Variants in PLXNA4 observed in about 807,000 individuals in gnomAD.
The protein encoded by PLXNA4 is plexin A4, also known as plexin-A4.
PLXNA4 carries 44 observed loss-of-function variants against 191.8 expected under a neutral mutation model. That is an observed-to-expected ratio of 0.23 (90% CI 0.18 to 0.29). PLXNA4 has a LOEUF of 0.29. Ranked by LOEUF, PLXNA4 falls within the 10% of genes least tolerant of loss-of-function variation. The pLI, the probability that PLXNA4 is intolerant of heterozygous loss-of-function variation, is 1.00. For synonymous variants in PLXNA4, 1,082 were observed against 1,009.5 expected, an observed-to-expected ratio of 1.07 and a Z score of -1.36; for missense variants, 1,800 against 2,488.8, an observed-to-expected ratio of 0.72 and a Z score of 5.89.
chr7:132,384,619 C>T lies in PLXNA4; in HGVS notation c.1372-86397G>A, dbSNP rs1019046693. The T allele has an allele frequency of 5.0e-6, 5 of 990,202 alleles. No individual in the cohort carries two copies. The African/African-American group carries it at 7.0e-5, about 14-fold the overall frequency. 61.3% of individuals were successfully genotyped at this position (990,202 alleles called of 1,614,324 possible). ...CAGCTCATCAGGCACTGTTGGCTTC[C>T]TTTTCTCTTTCCCGCAGAGGCTGGG... is the stretch of plus-strand genomic sequence containing the variant. On this transcript the variant is annotated intron_variant, in intron 3 of 31. Transcript: ENST00000321063.
chr7:132,460,763 G>C (rs1318690324), intron 3 of PLXNA4, among the ~76,000 whole-genome samples: 2 of 152,186 alleles, frequency 1.3e-5, no homozygotes, highest in African/African-American at 2.4e-5. Flanking sequence ...CCACCACAAG[G>C]ATGATTTTGG....
At chr7:132,310,966 C>A (rs1173292912) in intron 3 of PLXNA4, among the ~76,000 whole-genome samples, 1 of 152,188 alleles carries the variant, frequency 6.6e-6, no homozygotes, top group Non-Finnish European at 1.5e-5. Context: ...TCTCCATTCA[C>A]TCCTCATCCC....
chr7:132,515,374 C>A (rs571308097), intron 1 of PLXNA4, among the ~76,000 whole-genome samples: 1 of 152,240 alleles, frequency 6.6e-6, no homozygotes, highest in East Asian at 1.9e-4. Context: ...TCCGGTTACG[C>A]AAGTCAAAAA....
intron 3 of PLXNA4, among the ~76,000 whole-genome samples, chr7:132,374,825 C>G (rs1005831443): frequency 6.6e-6 from 1 of 152,218 alleles, no homozygotes; most frequent in Non-Finnish European, 1.5e-5. Flanking sequence ...AACAAATTCA[C>G]TCTTAAAGCC....
At chr7:132,413,623 C>G (rs1794549381) in intron 3 of PLXNA4, among the ~76,000 whole-genome samples, 1 of 152,194 alleles carries the variant, frequency 6.6e-6, no homozygotes, top group African/African-American at 2.4e-5. Flanking sequence ...AATGGAGTTA[C>G]TCCACGGTTC....
At chr7:132,564,153 T>C (rs1275134859) in intron 1 of PLXNA4, among the ~76,000 whole-genome samples, 43 of 78,812 alleles carry the variant, frequency 5.5e-4, no homozygotes, top group East Asian at 1.5e-3. Flanking sequence ...TCCTCCTCCT[T>C]CTCCTCCTCC....
intron 3 of PLXNA4, among the ~76,000 whole-genome samples, chr7:132,380,274 G>A (rs10269993): frequency 6.6e-5 from 10 of 152,122 alleles, no homozygotes; most frequent in African/African-American, 9.6e-5. Context: ...CATTGTGATC[G>A]TGTGCAAAGG....
intron 1 of PLXNA4, among the ~76,000 whole-genome samples, chr7:132,558,616 T>C (rs933286535): frequency 1.3e-5 from 2 of 152,228 alleles, no homozygotes; most frequent in Non-Finnish European, 2.9e-5. Context: ...AGCAACTTCA[T>C]GCAATTGGGC....
chr7:132,519,476 G>C (rs1380727065), intron 1 of PLXNA4, among the ~76,000 whole-genome samples: 2 of 152,194 alleles, frequency 1.3e-5, no homozygotes, highest in Non-Finnish European at 2.9e-5. Context: ...GGGGCTTGGG[G>C]GTCACCACAG....
At chr7:132,627,173 C>T (rs1803394741) in intron 2 of PLXNA4, among the ~76,000 whole-genome samples, 1 of 152,140 alleles carries the variant, frequency 6.6e-6, no homozygotes, top group Non-Finnish European at 1.5e-5. Context: ...GAATGGTATT[C>T]CTTCCCAACA....
chr7:132,388,005 C>G (rs1805230487), intron 3 of PLXNA4, among the ~76,000 whole-genome samples: 1 of 152,086 alleles, frequency 6.6e-6, no homozygotes, highest in African/African-American at 2.4e-5. Context: ...TCTGGGACTG[C>G]AGGCCAGCTT....
chr7:132,640,120 C>T (rs995730208), intron 2 of PLXNA4, among the ~76,000 whole-genome samples: 5 of 152,224 alleles, frequency 3.3e-5, no homozygotes, highest in Non-Finnish European at 5.9e-5. Context: ...TTTCCCAAAG[C>T]AGAAATGGTG....
At chr7:132,490,176 G>A (rs1176545194) in intron 2 of PLXNA4, among the ~76,000 whole-genome samples, 1 of 152,118 alleles carries the variant, frequency 6.6e-6, no homozygotes, top group Non-Finnish European at 1.5e-5. Context: ...TTGTGAAGAA[G>A]GGCAGCCCTG....
intron 19 of PLXNA4, 149 bp from the exon 20 acceptor site, chr7:132,180,070 G>A (rs1173019368): frequency 3.6e-6 from 5 of 1,377,062 alleles, no homozygotes. Context: ...GGCATGGGGG[G>A]CTGGGAGCGG....
At chr7:132,356,912 G>A (rs1803731217) in intron 3 of PLXNA4, among the ~76,000 whole-genome samples, 1 of 152,158 alleles carries the variant, frequency 6.6e-6, no homozygotes, top group Non-Finnish European at 1.5e-5. Context: ...AGAGTCAAAA[G>A]TACTCCCTGA....
At position 132,489,843 on chromosome 7, in the gene PLXNA4, G is replaced by A. The variant is rs143594941; in HGVS notation, c.1189-369C>T. 4.2e-3 allele frequency among the ~76,000 whole-genome samples: 640 copies of A among 152,338 alleles called. 2 individuals carry two copies. The highest frequency in any genetic ancestry group is 0.024 in the Middle Eastern group (7 of 294). On this transcript the variant is annotated intron_variant, in intron 2 of 31. Coordinates refer to ENST00000321063, the MANE Select transcript of PLXNA4 (RefSeq NM_020911.2). ...AAAAGCCCTGGGTCAGCCCAGATGA[G>A]CAGGGGCTCCAGGCCGCTCTGCTCA...
chr7:132,220,745 A>G lies in PLXNA4; in HGVS notation c.2097+2782T>C, dbSNP rs559601398. Among the ~76,000 whole-genome samples, 3 of 151,452 alleles carry G rather than the reference A, an allele frequency of 2.0e-5. No homozygotes were observed. The South Asian group carries it at 6.3e-4, about 32-fold the overall frequency. ...CCTGGCTTGGAGTCTGGGTGCTTGA[A>G]GCCATCATTCTTCTAAAGGGATCTC... On this transcript the variant is annotated intron_variant, in intron 9 of 31. Coordinates refer to ENST00000321063, the MANE Select transcript of PLXNA4 (RefSeq NM_020911.2).
intron 3 of PLXNA4, among the ~76,000 whole-genome samples, chr7:132,360,424 C>T (rs1016961391): frequency 2.6e-5 from 4 of 152,090 alleles, no homozygotes; most frequent in South Asian, 2.1e-4. Context: ...TCCCATTGCA[C>T]GAAGACAGGA....
chr7:132,236,699 G>A (rs1055431014), intron 5 of PLXNA4, among the ~76,000 whole-genome samples: 3 of 152,026 alleles, frequency 2.0e-5, no homozygotes, highest in Non-Finnish European at 4.4e-5. Flanking sequence ...AGAGATCTAC[G>A]GACAAATTTG....
Sources: allele counts gnomAD v4.1 joint callset (sites outside exome capture counted in the v4.1 genomes callset), GRCh38; gene constraint gnomAD v4.1.1; transcripts MANE v1.5; gene names NCBI Gene and HGNC (gene_info 2026-07-23, HGNC 2026-07-21).